The following NRXN1 variants were observed in gnomAD, a reference collection of about 807,000 sequenced individuals.
NRXN1 encodes neurexin 1, also known as neurexin-1.
NRXN1 carries 39 observed loss-of-function variants against 150.9 expected under a neutral mutation model. The ratio of observed to expected loss-of-function variants is 0.26; its 90% confidence interval spans 0.20 to 0.34. The LOEUF is 0.34. Among genes scored for constraint, NRXN1 ranks in the 10% least tolerant of loss-of-function variants. NRXN1 has a pLI of 1.00. For synonymous variants in NRXN1, 924 were observed against 757.0 expected (o/e 1.22, Z -3.62); for missense variants, 1,815 against 1,949.9 (o/e 0.93, Z 1.30).
intron 5 of NRXN1, among the ~76,000 whole-genome samples, chr2:50,763,516 T>C (rs1336776569): frequency 6.6e-6 from 1 of 151,922 alleles, no homozygotes; most frequent in African/African-American, 2.4e-5. Flanking sequence ...ATTATTATTA[T>C]TATTATTATT....
chr2:50,253,870 TTTC>T (rs2067416149), intron 17 of NRXN1, among the ~76,000 whole-genome samples: 1 of 102,506 alleles, frequency 9.8e-6, no homozygotes, highest in Non-Finnish European at 2.1e-5. Flanking sequence ...GACCTGAAGT[TTTC>T]TTTTTTTTTG....
At chr2:49,948,143 C>T (rs1255676398) in intron 21 of NRXN1, among the ~76,000 whole-genome samples, 1 of 151,998 alleles carries the variant, frequency 6.6e-6, no homozygotes, top group Admixed American at 6.6e-5. Flanking sequence ...ACTTAAAAAA[C>T]TGCTTCTTAA....
intron 21 of NRXN1, among the ~76,000 whole-genome samples, chr2:49,995,590 G>A (rs1006270399): frequency 2.6e-5 from 4 of 151,322 alleles, no homozygotes; most frequent in Non-Finnish European, 4.4e-5. Flanking sequence ...CACCATCCTG[G>A]CTAACATGGT....
intron 2 of NRXN1, among the ~76,000 whole-genome samples, chr2:51,013,047 T>C (rs1006572532): frequency 6.6e-6 from 1 of 151,954 alleles, no homozygotes; most frequent in African/African-American, 2.4e-5. Flanking sequence ...CACTCGAATA[T>C]TCTGTGGTTA....
intron 18 of NRXN1, among the ~76,000 whole-genome samples, chr2:50,130,304 G>C (rs1414989878): frequency 6.6e-6 from 1 of 151,992 alleles, no homozygotes; most frequent in African/African-American, 2.4e-5. Flanking sequence ...TCTGAAGATG[G>C]TCACAGACAA....
At chr2:50,364,083 C>T (rs934876359) in intron 17 of NRXN1, among the ~76,000 whole-genome samples, 1 of 151,970 alleles carries the variant, frequency 6.6e-6, no homozygotes. Flanking sequence ...CCCACTGGGG[C>T]CTGTTGGGGG....
At chr2:50,655,623 G>C (rs1686326424) in intron 5 of NRXN1, among the ~76,000 whole-genome samples, 1 of 151,410 alleles carries the variant, frequency 6.6e-6, no homozygotes, top group African/African-American at 2.4e-5. Context: ...ACTTATGAAT[G>C]AGGAATAGTT....
At chr2:50,912,915 A>C (rs190184829) in intron 5 of NRXN1, 1 of 151,764 alleles carries the variant, frequency 6.6e-6, no homozygotes, top group African/African-American at 2.4e-5. Flanking sequence ...TTTGGGATCA[A>C]TCAGCTTCTC....
intron 17 of NRXN1, among the ~76,000 whole-genome samples, chr2:50,256,058 G>A (rs2067670469): frequency 6.6e-6 from 1 of 152,182 alleles, no homozygotes. Context: ...CAAGAGAGCA[G>A]TATTTTTGAA....
In NRXN1 at chr2:50,562,565, ATGTG is replaced by A. The variant is rs1669262338; in HGVS notation, c.1321-9544_1321-9541del. Among the ~76,000 whole-genome samples the A allele has an allele frequency of 2.0e-5, 3 of 152,168 alleles. No homozygotes were observed. In the South Asian group the frequency reaches 6.2e-4, roughly 32 times the overall value. On this transcript the variant is annotated intron_variant, in intron 8 of 22. Coordinates refer to ENST00000401669, the MANE Select transcript of NRXN1 (RefSeq NM_001330078.2). ...AAATATTTATTACTTGATTATATTT[ATGTG>A]TGTGTGTATGATATATGTATTATTT...
intron 2 of NRXN1, among the ~76,000 whole-genome samples, chr2:50,952,777 G>A (rs1221753256): frequency 6.6e-6 from 1 of 152,096 alleles, no homozygotes; most frequent in African/African-American, 2.4e-5. Flanking sequence ...TTTCTACTCT[G>A]AATCATACTC....
intron 5 of NRXN1, among the ~76,000 whole-genome samples, chr2:50,877,201 A>G (rs1678731241): frequency 2.0e-5 from 3 of 151,848 alleles, no homozygotes; most frequent in Admixed American, 2.0e-4. Flanking sequence ...ACATATACAC[A>G]CACACACATA....
intron 21 of NRXN1, among the ~76,000 whole-genome samples, chr2:50,037,680 A>G (rs1181477392): frequency 2.6e-5 from 4 of 152,212 alleles, no homozygotes; most frequent in Non-Finnish European, 5.9e-5. Context: ...GCTCTTATCA[A>G]CCACAGAAGC....
intron 21 of NRXN1, among the ~76,000 whole-genome samples, chr2:49,983,311 T>A (rs1680299913): frequency 1.3e-5 from 2 of 152,180 alleles, no homozygotes; most frequent in Admixed American, 1.3e-4. Context: ...AGACATTCAA[T>A]AAATGTTTGT....
At chr2:50,586,231 C>G (rs1194410708) in intron 8 of NRXN1, among the ~76,000 whole-genome samples, 2 of 152,118 alleles carry the variant, frequency 1.3e-5, no homozygotes, top group African/African-American at 4.8e-5. Flanking sequence ...AGGGATCACC[C>G]TCATACCTTC....
At chr2:50,599,690 A>G (rs60788817) in intron 8 of NRXN1, among the ~76,000 whole-genome samples, 33,438 of 152,182 alleles carry the variant, frequency 0.22, 3,874 homozygotes, top group Middle Eastern at 0.29. Flanking sequence ...TAAGGAATAC[A>G]TGATCAGGAA....
chr2:50,131,091 G>C (rs1458873399), intron 18 of NRXN1, among the ~76,000 whole-genome samples: 1 of 152,086 alleles, frequency 6.6e-6, no homozygotes, highest in Non-Finnish European at 1.5e-5. Flanking sequence ...AATTTTGCAG[G>C]ACTCTCAGAT....
At chr2:50,374,716 A>C (rs1558622551) in intron 17 of NRXN1, among the ~76,000 whole-genome samples, 1 of 152,140 alleles carries the variant, frequency 6.6e-6, no homozygotes, top group South Asian at 2.1e-4. Flanking sequence ...TATGTGATGA[A>C]ATTTTTAACA....
chr2:49,949,472 T>C (rs371893632), intron 21 of NRXN1, among the ~76,000 whole-genome samples: 1 of 151,976 alleles, frequency 6.6e-6, no homozygotes, highest in African/African-American at 2.4e-5. Flanking sequence ...TTATTCCTTA[T>C]GATAAACAGC....
Sources: allele counts gnomAD v4.1 joint callset (sites outside exome capture counted in the v4.1 genomes callset), GRCh38; gene constraint gnomAD v4.1.1; transcripts MANE v1.5; gene names NCBI Gene and HGNC (gene_info 2026-07-23, HGNC 2026-07-21).